The following TENM4 variants were observed in gnomAD, a reference collection of about 807,000 sequenced individuals.
TENM4 encodes teneurin-4.
TENM4 carries 82 observed loss-of-function variants against 243.3 expected under a neutral mutation model. The ratio of observed to expected loss-of-function variants is 0.34; its 90% CI spans 0.28 to 0.40. The LOEUF is 0.40. Ranked by LOEUF, TENM4 falls within the 10% of genes least tolerant of loss-of-function variation. The pLI is 1.00. For missense variants in TENM4, 3,138 were observed against 3,673.3 expected (o/e 0.85, Z 3.77); for synonymous variants, 1,412 against 1,456.3 (o/e 0.97, Z 0.69).
At chr11:78,795,607 GA>G (rs1857145303) in intron 15 of TENM4, among the ~76,000 whole-genome samples, 1 of 152,098 alleles carries the variant, frequency 6.6e-6, no homozygotes, top group Non-Finnish European at 1.5e-5. Flanking sequence ...GAGATTATAT[GA>G]AATTATTCGT....
chr11:78,973,561 T>C (rs73502644), intron 6 of TENM4, among the ~76,000 whole-genome samples: 2,477 of 152,206 alleles, frequency 0.016, 54 homozygotes, highest in African/African-American at 0.047. Context: ...CTGCTTTTTT[T>C]CCCCAAGAAT....
intron 1 of TENM4, among the ~76,000 whole-genome samples, chr11:79,378,991 C>T (rs1353170605): frequency 6.6e-6 from 1 of 151,538 alleles, no homozygotes; most frequent in African/African-American, 2.4e-5. Context: ...TTTCTGCAAA[C>T]ACACTGGTAA....
intron 6 of TENM4, among the ~76,000 whole-genome samples, chr11:79,033,893 G>A (rs560192036): frequency 3.3e-5 from 5 of 152,232 alleles, no homozygotes; most frequent in East Asian, 1.9e-4. Flanking sequence ...ACTGACTTTC[G>A]TGTTTAAATT....
chr11:79,290,060 G>C (rs1020084507), intron 2 of TENM4, among the ~76,000 whole-genome samples: 1 of 151,780 alleles, frequency 6.6e-6, no homozygotes, highest in African/African-American at 2.4e-5. Flanking sequence ...CCTCCCAAAG[G>C]GTTGGGATTA....
At chr11:79,256,396 A>G (rs1373861028) in intron 2 of TENM4, among the ~76,000 whole-genome samples, 2 of 152,128 alleles carry the variant, frequency 1.3e-5, no homozygotes, top group African/African-American at 4.8e-5. Context: ...CTCATTTTCC[A>G]GGGAAGTGGA....
At chr11:78,815,086 C>G (rs943319591) in intron 12 of TENM4, among the ~76,000 whole-genome samples, 1 of 152,224 alleles carries the variant, frequency 6.6e-6, no homozygotes, top group Non-Finnish European at 1.5e-5. Flanking sequence ...TTTCCAGAGA[C>G]AAAGACGTTC....
intron 6 of TENM4, among the ~76,000 whole-genome samples, chr11:78,965,989 C>T (rs1328244548): frequency 2.0e-5 from 3 of 151,960 alleles, no homozygotes; most frequent in South Asian, 2.1e-4. Flanking sequence ...ATGTAATACA[C>T]GAGTGCTTGG....
intron 3 of TENM4, among the ~76,000 whole-genome samples, chr11:79,188,061 AC>A (rs1863410302): frequency 6.6e-6 from 1 of 152,206 alleles, no homozygotes. Flanking sequence ...TGCATGCCAA[AC>A]ACTCACTCAT....
At chr11:79,304,344 C>T (rs1219309292) in intron 1 of TENM4, among the ~76,000 whole-genome samples, 1 of 152,202 alleles carries the variant, frequency 6.6e-6, no homozygotes, top group African/African-American at 2.4e-5. Flanking sequence ...AGTATCTACT[C>T]TTGAGGTGCG....
chr11:79,397,244 TA>T (rs1310071727), intron 1 of TENM4, among the ~76,000 whole-genome samples: 1 of 152,232 alleles, frequency 6.6e-6, no homozygotes, highest in Non-Finnish European at 1.5e-5. Flanking sequence ...CATTGATTTT[TA>T]TACATCATTT....
At chr11:79,196,097 C>T (rs1439046524) in intron 3 of TENM4, among the ~76,000 whole-genome samples, 2 of 152,210 alleles carry the variant, frequency 1.3e-5, no homozygotes, top group East Asian at 3.9e-4. Context: ...AAGTGCCTTT[C>T]GCCTCCCACC....
chr11:78,694,518 C>A (rs1174180821), intron 28 of TENM4, among the ~76,000 whole-genome samples: 2 of 152,208 alleles, frequency 1.3e-5, no homozygotes, highest in East Asian at 3.9e-4. Context: ...AGATCTGGCC[C>A]ACTCTGCCAT....
At position 79,043,419 on chromosome 11, in the gene TENM4, T is replaced by A. The variant is rs577566625; in HGVS notation, c.493+21319A>T. 9.0e-4 allele frequency among the ~76,000 whole-genome samples: 137 copies of A among 152,274 alleles called. 1 individual carries two copies. Among genetic ancestry groups the A allele is most frequent in the African/African-American group, 3.1e-3 (128 of 41,558 alleles). On this transcript the variant is annotated intron_variant, in intron 6 of 33. Coordinates refer to ENST00000278550, the MANE Select transcript of TENM4 (RefSeq NM_001098816.3). Reference sequence around the variant, plus strand: ...GTGAGAAGCAGCCAAAAAGGCTATTTGCTCCAGAGTGGGTAGCTCCACAAG... The same window carrying A: ...GTGAGAAGCAGCCAAAAAGGCTATTAGCTCCAGAGTGGGTAGCTCCACAAG...
At chr11:79,194,727 CAG>C (rs1485680354) in intron 3 of TENM4, among the ~76,000 whole-genome samples, 1 of 152,180 alleles carries the variant, frequency 6.6e-6, no homozygotes, top group Non-Finnish European at 1.5e-5. Context: ...ATAAGGGAAA[CAG>C]AGCATAAAAG....
At chr11:78,930,081 A>AG (rs1856635960) in intron 6 of TENM4, among the ~76,000 whole-genome samples, 1 of 152,192 alleles carries the variant, frequency 6.6e-6, no homozygotes, top group Admixed American at 6.5e-5. Context: ...GTGGTCCCCA[A>AG]GGGAAAATGG....
chr11:78,719,428 T>C (rs1013567992), intron 25 of TENM4, among the ~76,000 whole-genome samples: 1 of 152,192 alleles, frequency 6.6e-6, no homozygotes, highest in African/African-American at 2.4e-5. Flanking sequence ...AAATAACACA[T>C]ACAATTATTA....
intron 6 of TENM4, among the ~76,000 whole-genome samples, chr11:78,907,373 C>A (rs532491149): frequency 6.6e-6 from 1 of 152,034 alleles, no homozygotes; most frequent in African/African-American, 2.4e-5. Context: ...AATCAGTTCA[C>A]CCATTCAGCA....
intron 12 of TENM4, among the ~76,000 whole-genome samples, chr11:78,837,410 A>G (rs1233742690): frequency 5.3e-5 from 8 of 152,258 alleles, no homozygotes; most frequent in South Asian, 2.1e-4. Flanking sequence ...CTTTTTCTTT[A>G]TAAATTACCC....
At chr11:79,302,058 G>A (rs867882495) in intron 1 of TENM4, among the ~76,000 whole-genome samples, 1 of 152,066 alleles carries the variant, frequency 6.6e-6, no homozygotes, top group Non-Finnish European at 1.5e-5. Context: ...CTGTCTATCC[G>A]GAATTTAGCA....
Sources: allele counts gnomAD v4.1 joint callset (sites outside exome capture counted in the v4.1 genomes callset), GRCh38; gene constraint gnomAD v4.1.1; transcripts MANE v1.5; gene names NCBI Gene and HGNC (gene_info 2026-07-23, HGNC 2026-07-21).